Variants in ACO1 observed in about 807,000 individuals in gnomAD.
The protein encoded by ACO1 is aconitase 1.
In ACO1, 78 loss-of-function variants were observed where a neutral mutation model predicts 105.1. That is an observed-to-expected ratio of 0.74 (90% CI 0.62 to 0.90). The LOEUF is 0.90. Among genes scored for constraint, ACO1 ranks in the 40% least tolerant of loss-of-function variants. The pLI is 0.00. For missense variants in ACO1, 965 were observed against 1,111.1 expected (o/e 0.87, Z 1.87); for synonymous variants, 364 against 397.4 (o/e 0.92, Z 1.00).
intron 19 of ACO1, 82 bp from the exon 20 acceptor site, chr9:32,448,814 C>T: frequency 6.7e-7 from 1 of 1,485,158 alleles, no homozygotes; most frequent in East Asian, 2.3e-5. Context: ...ATCATGCCAG[C>T]TCTCTCACAA....
chr9:32,401,187 A>T (rs1457766094), intron 1 of ACO1, among the ~76,000 whole-genome samples: 1 of 151,524 alleles, frequency 6.6e-6, no homozygotes, highest in African/African-American at 2.5e-5. Flanking sequence ...TTGTTTTTCC[A>T]AAGTTTAGCT....
chr9:32,416,305 G>A (rs1045831136), intron 4 of ACO1, among the ~76,000 whole-genome samples: 1 of 152,072 alleles, frequency 6.6e-6, no homozygotes, highest in East Asian at 1.9e-4. Flanking sequence ...ATGTTGGCCA[G>A]TCTGGTCTTG....
At position 32,405,558 on chromosome 9, in the gene ACO1, G is replaced by A. The variant is rs1395317431; in HGVS notation, c.52G>A (p.Gly18Arg). Residue 18 changes from glycine (G) to arginine (R), a missense_variant, in exon 2 of 21, where the codon GGA becomes AGA. Transcript: ENST00000309951. ...LAEPLDPVQP[G>R]KKFFNLNKLE... ...TGAGCCATTGGATCCTGTACAACCA[G>A]GAAAGAAATTCTTCAATTTGAATAA... The A allele has an allele frequency of 2.5e-6, 4 of 1,613,852 alleles. No individual in the cohort carries two copies. The highest frequency in any genetic ancestry group is 3.4e-6 in the Non-Finnish European group (4 of 1,179,944).
intron 1 of ACO1, among the ~76,000 whole-genome samples, chr9:32,387,925 T>G (rs955222094): frequency 5.3e-5 from 8 of 152,178 alleles, no homozygotes; most frequent in Non-Finnish European, 2.9e-5. Flanking sequence ...CTTCAGGACT[T>G]TATGCGTGAA....
intron 1 of ACO1, among the ~76,000 whole-genome samples, chr9:32,403,785 C>T (rs116529470): frequency 4.3e-4 from 66 of 152,242 alleles, no homozygotes; most frequent in African/African-American, 1.6e-3. Flanking sequence ...GTCCCGTGAG[C>T]GTTTCCCACC....
At chr9:32,438,656 T>C (rs1351735816) in intron 18 of ACO1, among the ~76,000 whole-genome samples, 1 of 152,148 alleles carries the variant, frequency 6.6e-6, no homozygotes, top group African/African-American at 2.4e-5. Flanking sequence ...AAAAAATTCA[T>C]TCAAAACAAA....
chr9:32,448,369 T>C (rs925528558), intron 19 of ACO1, among the ~76,000 whole-genome samples: 1 of 152,214 alleles, frequency 6.6e-6, no homozygotes, highest in Non-Finnish European at 1.5e-5. Flanking sequence ...CCGATGCCCC[T>C]CTGCCCACCA....
intron 19 of ACO1, among the ~76,000 whole-genome samples, chr9:32,441,664 T>C (rs939584793): frequency 1.3e-5 from 2 of 152,202 alleles, no homozygotes; most frequent in Non-Finnish European, 2.9e-5. Flanking sequence ...TTGGGAGCTG[T>C]AGCCAAAATG....
chr9:32,400,265 C>T (rs994173078), intron 1 of ACO1, among the ~76,000 whole-genome samples: 1 of 152,094 alleles, frequency 6.6e-6, no homozygotes, highest in Non-Finnish European at 1.5e-5. Flanking sequence ...GCCACTGCGC[C>T]TGGCTGTATC....
chr9:32,441,863 T>C (rs951991527), intron 19 of ACO1, among the ~76,000 whole-genome samples: 1 of 152,238 alleles, frequency 6.6e-6, no homozygotes, highest in African/African-American at 2.4e-5. Context: ...CGTGCTGGAC[T>C]GTACTTACAG....
In ACO1 at chr9:32,453,288, A is replaced by C. The variant is rs1396813763; in HGVS notation, c.*3177A>C. ...CAGATTTTTATGGTACATAGGGAGT[A>C]ATCTAGGGAAAAGATATATTAGGCA... On this transcript the variant is annotated 3_prime_UTR_variant, in exon 21 of 21. Transcript: ENST00000309951. The C allele has an allele frequency of 1.3e-5, 2 of 151,970 alleles. No individual in the cohort carries two copies. Among genetic ancestry groups the C allele is most frequent in the East Asian group, 1.9e-4 (1 of 5,166 alleles). The allele number at this position is 151,970 out of a possible 1,614,324, so 9.4% of individuals were successfully genotyped here.
At chr9:32,441,057 A>C (rs1448998348) in intron 19 of ACO1, among the ~76,000 whole-genome samples, 2 of 152,186 alleles carry the variant, frequency 1.3e-5, no homozygotes, top group Non-Finnish European at 2.9e-5. Flanking sequence ...TTCAGGAGTT[A>C]CTTTGGCAAG....
At chr9:32,411,339 G>A (rs1308409495) in intron 4 of ACO1, among the ~76,000 whole-genome samples, 1 of 152,234 alleles carries the variant, frequency 6.6e-6, no homozygotes, top group East Asian at 1.9e-4. Flanking sequence ...TTGATTAGTG[G>A]AGGGAGCAGT....
In ACO1 at chr9:32,393,257, A is replaced by G. The variant is rs569136219; in HGVS notation, c.-23+8522A>G. On this transcript the variant is annotated intron_variant, in intron 1 of 20. Coordinates refer to ENST00000309951, the MANE Select transcript of ACO1 (RefSeq NM_002197.3). ...TTCTCAGCAAGGAACATCCCTGAGA[A>G]AGAGAATGCGTCCCTGAGGGTAGGC... Among the ~76,000 whole-genome samples the G allele has an allele frequency of 3.3e-5, 5 of 152,300 alleles. No individual in the cohort carries two copies. In the South Asian group the frequency reaches 1.0e-3, roughly 32 times the overall value.
At chr9:32,386,443 G>C (rs1323231613) in intron 1 of ACO1, 3 of 152,220 alleles carry the variant, frequency 2.0e-5, no homozygotes, top group Non-Finnish European at 4.4e-5. Flanking sequence ...AGTGTGGTAG[G>C]TGAGGTCCTT....
chr9:32,405,632 A>ATTCCAATTGCT, intron 2 of ACO1, 29 bp downstream of exon 2: 1 of 1,481,712 alleles, frequency 6.7e-7, no homozygotes, highest in Non-Finnish European at 9.4e-7. Context: ...TAGCAATTGG[A>ATTCCAATTGCT]ATCTCATTTG....
intron 1 of ACO1, among the ~76,000 whole-genome samples, chr9:32,387,046 C>T (rs1347943675): frequency 2.0e-5 from 3 of 152,204 alleles, no homozygotes; most frequent in Non-Finnish European, 4.4e-5. Flanking sequence ...CAGTCCCACA[C>T]TGTGAAGATG....
chr9:32,387,000 C>A (rs62571702), intron 1 of ACO1, among the ~76,000 whole-genome samples: 2 of 151,976 alleles, frequency 1.3e-5, no homozygotes, highest in Non-Finnish European at 2.9e-5. Context: ...GTACCCCCTA[C>A]CTAAAGTGTG....
chr9:32,435,754 C>T (rs1407253755), intron 17 of ACO1, among the ~76,000 whole-genome samples: 5 of 152,140 alleles, frequency 3.3e-5, no homozygotes, highest in African/African-American at 1.2e-4. Context: ...AGCTGTGTGT[C>T]TTTCCTTTGC....
Sources: gnomAD v4.1 joint callset for allele counts (sites outside exome capture counted in the v4.1 genomes callset) on GRCh38, gnomAD v4.1.1 for gene constraint, MANE v1.5 for transcripts, NCBI Gene and HGNC (gene_info 2026-07-23, HGNC 2026-07-21) for gene names.